ZNF138: variants seen among roughly 807,000 people sequenced by gnomAD.
The protein encoded by ZNF138 is zinc finger protein 138 (clone pHZ-32).
ZNF138 carries 33 observed loss-of-function variants against 33.0 expected under a neutral mutation model. That is an observed-to-expected ratio of 1.00 (90% CI 0.76 to 1.34). ZNF138 has a LOEUF of 1.34. ZNF138 is among the 40% of genes most tolerant of loss of function. The pLI, the probability that ZNF138 is intolerant of heterozygous loss-of-function variation, is 0.00. For missense variants in ZNF138, 360 were observed against 370.8 expected, an observed-to-expected ratio of 0.97 and a Z score of 0.24; for synonymous variants, 139 against 120.4, an observed-to-expected ratio of 1.15 and a Z score of -1.01.
intron 1 of ZNF138, among the ~76,000 whole-genome samples, chr7:64,801,161 A>G (rs1414216047): frequency 1.3e-5 from 2 of 152,056 alleles, no homozygotes; most frequent in South Asian, 2.1e-4. Flanking sequence ...TTATGTCTAA[A>G]TCTCCTTCAG....
At position 64,794,498 on chromosome 7, in the gene ZNF138, C is replaced by G; in HGVS notation, c.-71C>G. ...GTCCTCTTACTCCTAGAGGCCCAGC[C>G]TCTGTGGCGCTGTGATCTGGTTATT... On this transcript the variant is annotated 5_prime_UTR_variant, in exon 1 of 4. Coordinates refer to ENST00000307355, the MANE Select transcript of ZNF138 (RefSeq NM_001271639.2). 6.2e-7 allele frequency: 1 copy of G among 1,607,694 alleles called. No individual in the cohort carries two copies. Among genetic ancestry groups the G allele is most frequent in the Non-Finnish European group, 8.5e-7 (1 of 1,175,644 alleles).
intron 1 of ZNF138, among the ~76,000 whole-genome samples, chr7:64,808,391 C>T (rs1014098912): frequency 6.6e-6 from 1 of 152,120 alleles, no homozygotes; most frequent in Non-Finnish European, 1.5e-5. Flanking sequence ...GTCATGATCC[C>T]TACCATCCAG....
chr7:64,801,221 C>T (rs1459694424), intron 1 of ZNF138, among the ~76,000 whole-genome samples: 2 of 151,880 alleles, frequency 1.3e-5, no homozygotes, highest in Non-Finnish European at 2.9e-5. Context: ...GTTTGTTTCC[C>T]CTTGCTTCTC....
At chr7:64,853,672 A>G in the ZNF138 span, among the ~76,000 whole-genome samples, 59 of 151,700 alleles carry the variant, frequency 3.9e-4, no homozygotes, top group African/African-American at 1.4e-3. Flanking sequence ...ATAAAAGGGC[A>G]TTCCCGTCTT....
In ZNF138 at chr7:64,831,587, T is replaced by G. The variant is rs147588810; in HGVS notation, c.345T>G (p.Asp115Glu). The G allele has an allele frequency of 1.1e-3, 1,749 of 1,613,550 alleles. 12 individuals carry two copies. Among genetic ancestry groups the G allele is most frequent in the South Asian group, 7.9e-3 (717 of 90,910 alleles). ...TAAGAAAAGGCTGTAAAAGTGTGGA[T>G]GAGTGTAAGGGACACCAAGGAGGTT... ...LQLRKGCKSV[D>E]ECKGHQGGFN... is the part of the protein sequence containing the mutation. Residue 115 changes from aspartate to glutamate, a missense_variant, in exon 4 of 4, where the codon GAT (aspartate) becomes GAG (glutamate). Asp to Glu is a conservative substitution (Grantham distance 45, BLOSUM62 2). Transcript: ENST00000307355.
chr7:64,798,443 A>G (rs1043461552), intron 1 of ZNF138, among the ~76,000 whole-genome samples: 37 of 152,242 alleles, frequency 2.4e-4, no homozygotes, highest in African/African-American at 8.9e-4. Flanking sequence ...TTTAAATACA[A>G]AAAAGAAAAT....
chr7:64,834,759 T>C (rs1409158315), downstream of ZNF138, among the ~76,000 whole-genome samples: 1 of 152,184 alleles, frequency 6.6e-6, no homozygotes, highest in Non-Finnish European at 1.5e-5. Context: ...GTTTAATTTA[T>C]AATATTGAGT....
chr7:64,835,607 C>T (rs774386514), downstream of ZNF138: 18 of 151,842 alleles, frequency 1.2e-4, no homozygotes, highest in Non-Finnish European at 2.2e-4. Context: ...ACCCCTGACA[C>T]GTTGAGATAA....
the ZNF138 span, among the ~76,000 whole-genome samples, chr7:64,848,898 A>C: frequency 6.6e-6 from 1 of 151,884 alleles, no homozygotes; most frequent in Admixed American, 6.6e-5. Flanking sequence ...TAGAGACAGC[A>C]TTTCCCTATG....
the ZNF138 span, among the ~76,000 whole-genome samples, chr7:64,841,809 TTTAG>T: frequency 3.9e-5 from 6 of 152,174 alleles, no homozygotes; most frequent in African/African-American, 9.7e-5. Flanking sequence ...AAAAATTGGT[TTTAG>T]TTAGAGAGTT....
chr7:64,845,212 C>T, the ZNF138 span, among the ~76,000 whole-genome samples: 1 of 152,216 alleles, frequency 6.6e-6, no homozygotes, highest in Non-Finnish European at 1.5e-5. Context: ...AGTTACTTCA[C>T]TTAGAATAAT....
intron 1 of ZNF138, among the ~76,000 whole-genome samples, chr7:64,809,739 G>A (rs1368373863): frequency 6.8e-6 from 1 of 146,142 alleles, no homozygotes; most frequent in Non-Finnish European, 1.5e-5. Context: ...TCACTTCTCA[G>A]ACGGGGCGGC....
At chr7:64,802,656 G>A (rs972324595) in intron 1 of ZNF138, among the ~76,000 whole-genome samples, 1 of 151,914 alleles carries the variant, frequency 6.6e-6, no homozygotes, top group Non-Finnish European at 1.5e-5. Flanking sequence ...CAAACAATTA[G>A]ATAGAAATTT....
intron 1 of ZNF138, among the ~76,000 whole-genome samples, chr7:64,801,895 C>T (rs4718114): frequency 0.28 from 41,952 of 152,042 alleles, 7,088 homozygotes; most frequent in Middle Eastern, 0.37. Flanking sequence ...AAGCTGGGAA[C>T]GGGGTCACAC....
At chr7:64,805,417 A>AAAC (rs1374108756) in intron 1 of ZNF138, among the ~76,000 whole-genome samples, 2 of 149,946 alleles carry the variant, frequency 1.3e-5, no homozygotes, top group Admixed American at 1.3e-4. Context: ...AAAACAAAAA[A>AAAC]AAAAACTGAG....
intron 3 of ZNF138, among the ~76,000 whole-genome samples, chr7:64,830,467 T>C (rs561364997): frequency 6.6e-6 from 1 of 152,232 alleles, no homozygotes; most frequent in East Asian, 1.9e-4. Flanking sequence ...TAAAATATAT[T>C]TGTGCATCTT....
At chr7:64,834,901 G>T (rs540572434), downstream of ZNF138, among the ~76,000 whole-genome samples, 99 of 152,250 alleles carry the variant, frequency 6.5e-4, no homozygotes, top group Non-Finnish European at 1.2e-3. Context: ...AGTTTGAAAG[G>T]CAATGGAAGG....
At chr7:64,836,780 C>T (rs1351861016), downstream of ZNF138, 1 of 152,264 alleles carries the variant, frequency 6.6e-6, no homozygotes, top group East Asian at 1.9e-4. Context: ...TTTTTTCTAG[C>T]CTGGCCTAGG....
At position 64,810,568 on chromosome 7, in the gene ZNF138, TA is replaced by T. The variant is rs1303312333; in HGVS notation, c.4-4349del. 1.5e-4 allele frequency among the ~76,000 whole-genome samples: 13 copies of T among 85,606 alleles called. No individual in the cohort carries two copies. In the East Asian group the frequency reaches 4.6e-3, roughly 30 times the overall value. The allele number at this position is 85,606 out of a possible 152,430, so 56.2% of individuals were successfully genotyped here. ...CCCTAAGAGATTTGTTTAAATTGCT[TA>T]TTAGTATATGTTATAAAATTGACAG... On this transcript the variant is annotated intron_variant, in intron 1 of 3. Transcript: ENST00000307355.
Sources: gnomAD v4.1 joint callset for allele counts (sites outside exome capture counted in the v4.1 genomes callset) on GRCh38, gnomAD v4.1.1 for gene constraint, MANE v1.5 for transcripts, NCBI Gene and HGNC (gene_info 2026-07-23, HGNC 2026-07-21) for gene names.